Variants in CDK19 observed in about 807,000 individuals in gnomAD.
CDK19 encodes the protein cyclin-dependent kinase 19.
In CDK19, 20 loss-of-function variants were observed where a neutral mutation model predicts 68.3. The ratio of observed to expected loss-of-function variants is 0.29; its 90% CI spans 0.21 to 0.43. The LOEUF (loss-of-function observed/expected upper bound fraction) is 0.43. Ranked by LOEUF, CDK19 falls within the 20% of genes least tolerant of loss-of-function variation. The pLI, the probability that CDK19 is intolerant of heterozygous loss-of-function variation, is 1.00. For missense variants in CDK19, 339 were observed against 623.5 expected, an observed-to-expected ratio of 0.54 and a Z score of 4.86; for synonymous variants, 221 against 222.8, an observed-to-expected ratio of 0.99 and a Z score of 0.07.
chr6:110,748,846 C>G (rs947518614), intron 1 of CDK19, among the ~76,000 whole-genome samples: 5 of 152,218 alleles, frequency 3.3e-5, no homozygotes, highest in Admixed American at 1.3e-4. Flanking sequence ...ATGTTTCAGG[C>G]ACATGTAATA....
chr6:110,760,080 C>A (rs991523348), intron 1 of CDK19, among the ~76,000 whole-genome samples: 1 of 152,076 alleles, frequency 6.6e-6, no homozygotes, highest in African/African-American at 2.4e-5. Flanking sequence ...ATGGTACTTA[C>A]TATATGGCAG....
At chr6:110,694,595 A>G (rs1162888032) in intron 2 of CDK19, among the ~76,000 whole-genome samples, 1 of 152,234 alleles carries the variant, frequency 6.6e-6, no homozygotes, top group Non-Finnish European at 1.5e-5. Flanking sequence ...AGCACTAGAC[A>G]AGACAGAAAG....
intron 2 of CDK19, among the ~76,000 whole-genome samples, chr6:110,673,961 C>G (rs1174400894): frequency 6.6e-6 from 1 of 152,060 alleles, no homozygotes; most frequent in African/African-American, 2.4e-5. Flanking sequence ...GTGTTTTTCC[C>G]AAGTAGAAGG....
chr6:110,806,658 G>A (rs1183419350), intron 1 of CDK19, among the ~76,000 whole-genome samples: 1 of 152,154 alleles, frequency 6.6e-6, no homozygotes, highest in Non-Finnish European at 1.5e-5. Context: ...ATATAGATAT[G>A]TCATAATGTT....
In CDK19 at chr6:110,643,900, G is replaced by A. The variant is rs545330728; in HGVS notation, c.457-5194C>T. Among the ~76,000 whole-genome samples the A allele has an allele frequency of 2.2e-4, 34 of 151,892 alleles. 1 individual carries two copies. The East Asian group carries it at 6.2e-3, about 28-fold the overall frequency. ...AAGACCAGCCTGGGCAACATAGTGA[G>A]ACCCCATCTCACTATTAAAATTTAA... On this transcript the variant is annotated intron_variant, in intron 4 of 12. Transcript: ENST00000368911.
chr6:110,759,428 A>AATATATATATATATATATAT (rs34490988), intron 1 of CDK19, among the ~76,000 whole-genome samples: 2 of 50,912 alleles, frequency 3.9e-5, no homozygotes, highest in African/African-American at 1.7e-4. Context: ...AAAAAAAAAA[A>AATATATATATATATATATAT]ATATATATAT....
intron 2 of CDK19, among the ~76,000 whole-genome samples, chr6:110,686,728 C>G (rs1016121207): frequency 6.6e-6 from 1 of 152,136 alleles, no homozygotes; most frequent in Non-Finnish European, 1.5e-5. Flanking sequence ...AATTAGATTT[C>G]TCAAGGAAAT....
chr6:110,706,182 A>G (rs954245606), intron 2 of CDK19, among the ~76,000 whole-genome samples: 2 of 150,912 alleles, frequency 1.3e-5, no homozygotes, highest in African/African-American at 2.4e-5. Context: ...CCTCCCGAGT[A>G]GCTGGGATTA....
At chr6:110,708,020 T>G in intron 2 of CDK19, among the ~76,000 whole-genome samples, 1 of 152,196 alleles carries the variant, frequency 6.6e-6, no homozygotes, top group East Asian at 1.9e-4. Flanking sequence ...TATAGTATGT[T>G]TTTTAATATT....
At chr6:110,665,157 T>C (rs1694067805) in intron 4 of CDK19, among the ~76,000 whole-genome samples, 1 of 152,078 alleles carries the variant, frequency 6.6e-6, no homozygotes, top group African/African-American at 2.4e-5. Flanking sequence ...AGTCAGAAGG[T>C]CGAAAGTAGA....
At chr6:110,707,557 T>C (rs759491520) in intron 2 of CDK19, among the ~76,000 whole-genome samples, 4 of 152,204 alleles carry the variant, frequency 2.6e-5, no homozygotes, top group Non-Finnish European at 5.9e-5. Flanking sequence ...CATAGTTTTG[T>C]AACCAGCCCT....
rs1783520122 is a variant in CDK19 at position 110,815,068 on chromosome 6, T to C, written c.69A>G (p.Glu23=). The C allele has an allele frequency of 6.2e-7, 1 of 1,605,074 alleles. No homozygotes were observed. The highest frequency in any genetic ancestry group is 8.5e-7 in the Non-Finnish European group (1 of 1,176,606). ...AGGTGCCGCGTCCCACTTTGCACCC[T>C]TCGTACTCAAACAAATCCTCCACCC... ...RERVEDLFEY[E]GCKVGRGTYG... Residue 23 remains glutamate, a synonymous_variant, in exon 1 of 13, where the codon GAA becomes GAG. Coordinates refer to ENST00000368911, the MANE Select transcript of CDK19 (RefSeq NM_015076.5).
rs1282728981 is a variant in CDK19, at chr6:110,612,316, T to C, written c.*2219A>G. 1 of 152,610 alleles carries C rather than the reference T, an allele frequency of 6.6e-6. No individual in the cohort carries two copies. Among genetic ancestry groups the C allele is most frequent in the East Asian group, 1.9e-4 (1 of 5,204 alleles). 9.5% of individuals were successfully genotyped at this position (152,610 alleles called of 1,614,324 possible). A position where few individuals can be genotyped will look rare whatever the true frequency, so the allele number is the denominator to read the frequency against. Reference sequence around the variant, plus strand: ...TGTGAACATTTCAAAGATACGTCAATGCCTTTTGTGATATTGAATCACTGG... The same window carrying C: ...TGTGAACATTTCAAAGATACGTCAACGCCTTTTGTGATATTGAATCACTGG... On this transcript the variant is annotated 3_prime_UTR_variant, in exon 13 of 13. Transcript: ENST00000368911.
At position 110,755,975 on chromosome 6, in the gene CDK19, T is replaced by G. The variant is rs1778810533; in HGVS notation, c.129-9774A>C. Among the ~76,000 whole-genome samples the G allele has an allele frequency of 1.3e-5, 2 of 152,076 alleles. 1 individual carries two copies. The highest frequency in any genetic ancestry group is 6.3e-3 in the Middle Eastern group (2 of 316). Reference sequence around the variant, plus strand: ...TTCAGAGAAAAAAATATATATCTATTATGGCCAGATGCGGTGGCTCATGCC... The same window carrying G: ...TTCAGAGAAAAAAATATATATCTATGATGGCCAGATGCGGTGGCTCATGCC... On this transcript the variant is annotated intron_variant, in intron 1 of 12. Transcript: ENST00000368911.
intron 1 of CDK19, among the ~76,000 whole-genome samples, chr6:110,781,469 G>C (rs1780815786): frequency 1.3e-5 from 2 of 152,114 alleles, no homozygotes; most frequent in African/African-American, 4.8e-5. Flanking sequence ...CCTGAGATTT[G>C]GAGGGGACAA....
At chr6:110,772,175 T>C (rs1562275838) in intron 1 of CDK19, among the ~76,000 whole-genome samples, 1 of 152,164 alleles carries the variant, frequency 6.6e-6, no homozygotes, top group East Asian at 1.9e-4. Flanking sequence ...ATACCTGAGA[T>C]TGGGAAGAAA....
intron 6 of CDK19, among the ~76,000 whole-genome samples, chr6:110,630,336 TATCTGTC>T (rs1481903901): frequency 6.6e-6 from 1 of 152,244 alleles, no homozygotes; most frequent in Non-Finnish European, 1.5e-5. Context: ...TGTCCTGGGT[TATCTGTC>T]ATTAACCTGT....
chr6:110,711,239 T>C (rs549337501), intron 2 of CDK19, among the ~76,000 whole-genome samples: 1 of 152,240 alleles, frequency 6.6e-6, no homozygotes, highest in South Asian at 2.1e-4. Context: ...GGTTAGACAC[T>C]GAATGTCAGC....
At chr6:110,784,724 G>C (rs1781076702) in intron 1 of CDK19, among the ~76,000 whole-genome samples, 1 of 152,014 alleles carries the variant, frequency 6.6e-6, no homozygotes, top group Non-Finnish European at 1.5e-5. Flanking sequence ...CCTAAAAGTG[G>C]AAACAATCAA....
Sources: gnomAD v4.1 joint callset for allele counts (sites outside exome capture counted in the v4.1 genomes callset) on GRCh38, gnomAD v4.1.1 for gene constraint, MANE v1.5 for transcripts, NCBI Gene and HGNC (gene_info 2026-07-23, HGNC 2026-07-21) for gene names.